The following SHANK2 variants were observed in gnomAD, a reference collection of about 807,000 sequenced individuals.
The protein encoded by SHANK2 is SH3 and multiple ankyrin repeat domains 2, also known as SH3 and multiple ankyrin repeat domains protein 2.
In SHANK2, 43 loss-of-function variants were observed where a neutral mutation model predicts 133.7. The observed-to-expected ratio is 0.32, with a 90% CI of 0.25 to 0.41. SHANK2 has a LOEUF of 0.41. Ranked by LOEUF, SHANK2 falls within the 10% of genes least tolerant of loss-of-function variation. The pLI, the probability that SHANK2 is intolerant of heterozygous loss-of-function variation, is 1.00. For missense variants in SHANK2, 1,994 were observed against 2,235.8 expected (o/e 0.89, Z 2.18); for synonymous variants, 1,017 against 952.8 (o/e 1.07, Z -1.24).
At chr11:70,712,729 C>G (rs567435759) in intron 14 of SHANK2, among the ~76,000 whole-genome samples, 1 of 152,224 alleles carries the variant, frequency 6.6e-6, no homozygotes, top group African/African-American at 2.4e-5. Context: ...GTTCCTCGCT[C>G]GGCTAAAAGC....
chr11:70,672,759 A>C (rs7104178), intron 15 of SHANK2, among the ~76,000 whole-genome samples: 3 of 152,114 alleles, frequency 2.0e-5, no homozygotes, highest in Non-Finnish European at 4.4e-5. Flanking sequence ...CCAGTAGCAC[A>C]TGAGTGCCCC....
chr11:71,097,280 G>A (rs1458449065), intron 6 of SHANK2, among the ~76,000 whole-genome samples: 2 of 152,112 alleles, frequency 1.3e-5, no homozygotes, highest in African/African-American at 4.8e-5. Flanking sequence ...ATTTGGGGCT[G>A]ATGGAATCAC....
chr11:70,792,214 A>ACCAT (rs1947804938), intron 14 of SHANK2, among the ~76,000 whole-genome samples: 1 of 151,844 alleles, frequency 6.6e-6, no homozygotes, highest in African/African-American at 2.4e-5. Flanking sequence ...CAACCAACCA[A>ACCAT]CCAACTAATC....
intron 17 of SHANK2, among the ~76,000 whole-genome samples, chr11:70,612,743 C>T (rs7119726): frequency 0.31 from 46,565 of 152,168 alleles, 7,409 homozygotes; most frequent in African/African-American, 0.39. Flanking sequence ...CTTCCTTAAA[C>T]AATACATGGA....
In SHANK2 at chr11:70,829,036, C is replaced by T. The variant is rs528976696; in HGVS notation, c.1175-8354G>A. On this transcript the variant is annotated intron_variant, in intron 11 of 25. Transcript: ENST00000601538. ...AGGATGGCCCTTGGCCTGAGGCCAGCGGTGTCCTGTCATCTTTGGCTGCCT... is the reference window on the plus strand; with the variant it reads ...AGGATGGCCCTTGGCCTGAGGCCAGTGGTGTCCTGTCATCTTTGGCTGCCT... Among the ~76,000 whole-genome samples, 8 of 152,324 alleles carry T rather than the reference C, an allele frequency of 5.3e-5. No homozygotes were observed. In the South Asian group the frequency reaches 1.7e-3, roughly 32 times the overall value.
chr11:70,469,285 T>G lies in SHANK2; in HGVS notation c.*3584A>C, dbSNP rs1400562328. On this transcript the variant is annotated 3_prime_UTR_variant, in exon 26 of 26. Coordinates refer to ENST00000601538, the MANE Select transcript of SHANK2 (RefSeq NM_012309.5). ...ATTAGCTCAGTGACAGGAGCCTGTT[T>G]ACTCGATGAGAGAGATTTTTCTGGT... 13 of 152,534 alleles carry G rather than the reference T, an allele frequency of 8.5e-5. No individual in the cohort carries two copies. Among genetic ancestry groups the G allele is most frequent in the Admixed American group, 8.5e-4 (13 of 15,288 alleles). 9.4% of individuals were successfully genotyped at this position (152,534 alleles called of 1,614,324 possible).
rs191103511 is a variant in SHANK2 at position 71,211,951 on chromosome 11, G to A, written c.-13+12746C>T. ...CACACTGGAACGACTCTGGCTTAACGTCCACCTCAAAGCCTATTCACTGTG... is the reference window on the plus strand; with the variant it reads ...CACACTGGAACGACTCTGGCTTAACATCCACCTCAAAGCCTATTCACTGTG... On this transcript the variant is annotated intron_variant, in intron 2 of 25. Coordinates refer to ENST00000601538, the MANE Select transcript of SHANK2 (RefSeq NM_012309.5). Among the ~76,000 whole-genome samples the A allele has an allele frequency of 3.5e-4, 53 of 152,130 alleles. No individual in the cohort carries two copies. In the East Asian group the frequency reaches 7.5e-3, roughly 22 times the overall value.
chr11:70,868,084 G>C (rs1198285653), intron 11 of SHANK2, among the ~76,000 whole-genome samples: 1 of 152,268 alleles, frequency 6.6e-6, no homozygotes, highest in Non-Finnish European at 1.5e-5. Flanking sequence ...GGCAGTAAGT[G>C]TCTAAACTCC....
At position 70,471,508 on chromosome 11, in the gene SHANK2, A is replaced by G; in HGVS notation, c.*1361T>C. The G allele has an allele frequency of 5.0e-6, 2 of 398,158 alleles. No homozygotes were observed. The highest frequency in any genetic ancestry group is 4.4e-6 in the Non-Finnish European group (1 of 225,948). 24.7% of individuals were successfully genotyped at this position (398,158 alleles called of 1,614,324 possible). A position where few individuals can be genotyped will look rare whatever the true frequency, so the allele number is the denominator to read the frequency against. ...GCGGGGCTCAAGAAAGCCTTGCCAG[A>G]GAGGCTGACCTGGCAGCCCAGGAGA... On this transcript the variant is annotated 3_prime_UTR_variant, in exon 26 of 26. Transcript: ENST00000601538. This position sits in a 1 kb window ranked among gnomAD's most constrained non-coding sequence, Gnocchi z 4.1.
intron 17 of SHANK2, among the ~76,000 whole-genome samples, chr11:70,626,145 C>A (rs1221029424): frequency 3.3e-5 from 5 of 152,236 alleles, no homozygotes; most frequent in Non-Finnish European, 7.3e-5. Context: ...ACTCAGCTGG[C>A]AACGGAAAAC....
chr11:71,214,948 A>G (rs115146156), intron 2 of SHANK2, among the ~76,000 whole-genome samples: 1,751 of 152,286 alleles, frequency 0.011, 38 homozygotes, highest in African/African-American at 0.04. Flanking sequence ...TCCTCTCGGC[A>G]GGGAGGGAGA....
intron 11 of SHANK2, among the ~76,000 whole-genome samples, chr11:70,854,952 C>T (rs568916994): frequency 2.0e-5 from 3 of 152,308 alleles, no homozygotes; most frequent in South Asian, 2.1e-4. Context: ...ATCCAGATCA[C>T]GGTTCACCCA....
At chr11:70,841,266 G>A (rs371329780) in intron 11 of SHANK2, among the ~76,000 whole-genome samples, 24 of 152,228 alleles carry the variant, frequency 1.6e-4, no homozygotes, top group African/African-American at 5.8e-4. Context: ...GCGAGACTCC[G>A]TCTTAAAAAA....
intron 17 of SHANK2, among the ~76,000 whole-genome samples, chr11:70,617,099 GTGTA>G: frequency 6.6e-6 from 1 of 152,162 alleles, no homozygotes; most frequent in South Asian, 2.1e-4. Flanking sequence ...CTATGAGAGT[GTGTA>G]TGTGTGTGAG....
chr11:71,145,829 G>C (rs1182849539), intron 3 of SHANK2, among the ~76,000 whole-genome samples: 5 of 152,160 alleles, frequency 3.3e-5, no homozygotes, highest in African/African-American at 9.7e-5. Flanking sequence ...GGTGGATGCA[G>C]AGCACTGGGC....
chr11:71,147,498 G>A (rs1952679382), intron 2 of SHANK2, among the ~76,000 whole-genome samples, 160 bp from the exon 3 acceptor site: 1 of 152,178 alleles, frequency 6.6e-6, no homozygotes, highest in Admixed American at 6.5e-5. Context: ...TATGCACAAT[G>A]TACAGATCCC....
chr11:70,540,773 G>A (rs1308954275), intron 17 of SHANK2, among the ~76,000 whole-genome samples: 1 of 149,708 alleles, frequency 6.7e-6, no homozygotes, highest in Non-Finnish European at 1.5e-5. Context: ...CACTCGGGAG[G>A]CTGAGGCAGA....
intron 17 of SHANK2, among the ~76,000 whole-genome samples, chr11:70,595,171 C>G (rs1435132956): frequency 3.3e-5 from 5 of 152,154 alleles, no homozygotes; most frequent in Admixed American, 6.5e-5. Flanking sequence ...CAGGCTGGCC[C>G]CTCACATCGG....
chr11:71,181,582 C>T (rs890893510), intron 2 of SHANK2, among the ~76,000 whole-genome samples: 13 of 152,110 alleles, frequency 8.5e-5, no homozygotes, highest in Non-Finnish European at 1.3e-4. Flanking sequence ...GAAAACCAAT[C>T]GGAGTGGCCA....
Sources: gnomAD v4.1 joint callset for allele counts (sites outside exome capture counted in the v4.1 genomes callset) on GRCh38, gnomAD v4.1.1 for gene constraint, Gnocchi (gnomAD v3.1) non-coding constraint, MANE v1.5 for transcripts, NCBI Gene and HGNC (gene_info 2026-07-23, HGNC 2026-07-21) for gene names.